Variants in PPIL1 observed in about 807,000 individuals in gnomAD.
PPIL1 encodes peptidyl-prolyl cis-trans isomerase-like 1.
A neutral mutation model predicts 19.4 loss-of-function variants in PPIL1; 14 were observed. That is an observed-to-expected ratio of 0.72 (90% confidence interval 0.48 to 1.13). PPIL1 has a LOEUF of 1.13. Among genes scored for constraint, PPIL1 ranks in the 50% most tolerant of loss-of-function variants. The pLI is 0.00. For synonymous variants in PPIL1, 72 were observed against 73.6 expected (o/e 0.98, Z 0.11); for missense variants, 192 against 218.0 (o/e 0.88, Z 0.75).
At chr6:36,861,769 T>C (rs959610164) in intron 2 of PPIL1, among the ~76,000 whole-genome samples, 6 of 151,534 alleles carry the variant, frequency 4.0e-5, no homozygotes, top group African/African-American at 1.5e-4. Flanking sequence ...CCATCTTGGC[T>C]CACCGCAACC....
intron 2 of PPIL1, 57 bp downstream of exon 2, chr6:36,871,661 A>G (rs1380917025): frequency 2.5e-5 from 38 of 1,542,534 alleles, no homozygotes; most frequent in Non-Finnish European, 3.3e-5. Context: ...CTTTAGAAAA[A>G]AAGACGAAAA....
At chr6:36,862,584 G>A (rs76207768) in intron 2 of PPIL1, among the ~76,000 whole-genome samples, 10,837 of 152,250 alleles carry the variant, frequency 0.071, 557 homozygotes, top group Admixed American at 0.11. Context: ...GTAGGGTGAT[G>A]CCAGAACAGC....
At chr6:36,856,977 C>A (rs1175573953) in intron 2 of PPIL1, among the ~76,000 whole-genome samples, 1 of 152,198 alleles carries the variant, frequency 6.6e-6, no homozygotes, top group African/African-American at 2.4e-5. Flanking sequence ...ACCTGACCAT[C>A]TAGAGATAAC....
In PPIL1 at chr6:36,855,281, G is replaced by T. The variant is rs1268876477; in HGVS notation, c.*532C>A. On this transcript the variant is annotated 3_prime_UTR_variant, in exon 4 of 4. Transcript: ENST00000373699. Reference sequence around the variant, plus strand: ...CAGAAACAGCACTGTTGATGTTCTGGTTTTGAGAGGGAAAATATATATAGA... The same window carrying T: ...CAGAAACAGCACTGTTGATGTTCTGTTTTTGAGAGGGAAAATATATATAGA... The T allele has an allele frequency of 6.4e-6, 1 of 155,750 alleles. No homozygotes were observed. The highest frequency in any genetic ancestry group is 2.4e-5 in the African/African-American group (1 of 41,464). The allele number at this position is 155,750 out of a possible 1,614,324, so 9.6% of individuals were successfully genotyped here.
intron 3 of PPIL1, 113 bp from the exon 4 acceptor site, chr6:36,856,146 G>A: frequency 8.6e-7 from 1 of 1,164,022 alleles, no homozygotes; most frequent in South Asian, 1.5e-5. Context: ...TCTGGCCTCT[G>A]TCCAGACCCA....
At chr6:36,859,296 G>A (rs1387437482) in intron 2 of PPIL1, among the ~76,000 whole-genome samples, 7 of 151,858 alleles carry the variant, frequency 4.6e-5, no homozygotes, top group Non-Finnish European at 8.8e-5. Context: ...GTGGTGGCAC[G>A]TGCCTGTAAT....
chr6:36,869,736 A>G (rs1274149782), intron 2 of PPIL1, among the ~76,000 whole-genome samples: 2 of 152,228 alleles, frequency 1.3e-5, no homozygotes, highest in African/African-American at 4.8e-5. Context: ...TAAAACTAAC[A>G]ACAAAAATTA....
At chr6:36,871,694 A>G (rs1774513985) in intron 2 of PPIL1, 24 bp downstream of exon 2, 4 of 1,565,048 alleles carry the variant, frequency 2.6e-6, no homozygotes, top group Non-Finnish European at 3.4e-6. Context: ...AAGAAAACAT[A>G]AACTAATGTT....
intron 2 of PPIL1, among the ~76,000 whole-genome samples, chr6:36,871,473 G>A (rs1774509135): frequency 6.6e-6 from 1 of 152,150 alleles, no homozygotes; most frequent in Non-Finnish European, 1.5e-5. Flanking sequence ...TGTAAGTTAT[G>A]AAAAACTCTA....
intron 2 of PPIL1, among the ~76,000 whole-genome samples, chr6:36,859,572 C>A (rs1774237454): frequency 6.6e-6 from 1 of 151,938 alleles, no homozygotes; most frequent in Non-Finnish European, 1.5e-5. Context: ...CCCAATTCAA[C>A]TCAGTAGGGT....
At chr6:36,861,695 T>A (rs1012873382) in intron 2 of PPIL1, among the ~76,000 whole-genome samples, 26 of 147,274 alleles carry the variant, frequency 1.8e-4, no homozygotes, top group Admixed American at 1.0e-3. Flanking sequence ...TTTTTTTTTT[T>A]AATTCCTTTT....
At chr6:36,861,897 T>C (rs1201489212) in intron 2 of PPIL1, among the ~76,000 whole-genome samples, 2 of 152,142 alleles carry the variant, frequency 1.3e-5, no homozygotes, top group Non-Finnish European at 2.9e-5. Flanking sequence ...GATTTCTCCA[T>C]GTCGGTCAGG....
rs368921191 is a variant in PPIL1, at chr6:36,861,624, C to G, written c.212-4970G>C. On this transcript the variant is annotated intron_variant, in intron 2 of 3. Coordinates refer to ENST00000373699, the MANE Select transcript of PPIL1 (RefSeq NM_016059.5). ...TTTTTCACTCTTGTAATGGGATCTT[C>G]CAATGAACAGAACCTTTGCAGTTAA... Among the ~76,000 whole-genome samples the G allele has an allele frequency of 2.6e-5, 4 of 151,774 alleles. No individual in the cohort carries two copies. The East Asian group carries it at 5.8e-4, about 22-fold the overall frequency.
chr6:36,861,878 T>G (rs2150656380), intron 2 of PPIL1, among the ~76,000 whole-genome samples: 1 of 152,222 alleles, frequency 6.6e-6, no homozygotes, highest in East Asian at 1.9e-4. Flanking sequence ...GTATTTTTAG[T>G]AGAGACGGGA....
chr6:36,873,264 A>C (rs987137903), intron 1 of PPIL1, among the ~76,000 whole-genome samples: 16 of 152,244 alleles, frequency 1.1e-4, no homozygotes, highest in African/African-American at 3.9e-4. Flanking sequence ...TAAGGATACA[A>C]TATGTGCAAG....
Position 36,871,701 on chromosome 6 carries a change from T to C in PPIL1, c.211+17A>G. 1.9e-6 allele frequency: 3 copies of C among 1,575,064 alleles called. No homozygotes were observed. The highest frequency in any genetic ancestry group is 2.6e-6 in the Non-Finnish European group (3 of 1,167,952). On this transcript the variant is annotated intron_variant, in intron 2 of 3. Coordinates refer to ENST00000373699, the MANE Select transcript of PPIL1 (RefSeq NM_016059.5). ...AAAAAAAAAAGAAAACATAAACTAA[T>C]GTTGGCTTAACTGTACCTGTCCCTG...
intron 2 of PPIL1, 53 bp downstream of exon 2, chr6:36,871,665 A>G: frequency 1.3e-6 from 2 of 1,545,128 alleles, no homozygotes; most frequent in South Asian, 1.2e-5. Context: ...AGAAAAAAAG[A>G]CGAAAAGGAG....
intron 2 of PPIL1, among the ~76,000 whole-genome samples, chr6:36,860,618 C>A (rs576288617): frequency 2.6e-5 from 4 of 152,064 alleles, no homozygotes; most frequent in African/African-American, 9.6e-5. Context: ...ATGCATACAC[C>A]CCACTGCATC....
intron 2 of PPIL1, among the ~76,000 whole-genome samples, chr6:36,861,268 AC>A (rs577189390): frequency 2.0e-5 from 3 of 151,412 alleles, no homozygotes; most frequent in Non-Finnish European, 4.4e-5. Flanking sequence ...GAAGTGTGAG[AC>A]CTCTTGTGGT....
Sources: gnomAD v4.1 joint callset for allele counts (sites outside exome capture counted in the v4.1 genomes callset) on GRCh38, gnomAD v4.1.1 for gene constraint, MANE v1.5 for transcripts, NCBI Gene and HGNC (gene_info 2026-07-23, HGNC 2026-07-21) for gene names.